Variants in GRIA4 observed in about 807,000 individuals in gnomAD.
The protein encoded by GRIA4 is glutamate ionotropic receptor AMPA type subunit 4, also known as glutamate receptor 4.
A neutral mutation model predicts 104.0 loss-of-function variants in GRIA4; 34 were observed. The ratio of observed to expected loss-of-function variants is 0.33; its 90% confidence interval spans 0.25 to 0.44. The LOEUF (loss-of-function observed/expected upper bound fraction) is 0.44. Ranked by LOEUF, GRIA4 falls within the 20% of genes least tolerant of loss-of-function variation. The pLI is 1.00. For synonymous variants in GRIA4, 386 were observed against 381.9 expected, an observed-to-expected ratio of 1.01 and a Z score of -0.13; for missense variants, 750 against 1,096.5, an observed-to-expected ratio of 0.68 and a Z score of 4.46.
chr11:105,938,079 A>G (rs1217189895), intron 14 of GRIA4, among the ~76,000 whole-genome samples: 1 of 152,134 alleles, frequency 6.6e-6, no homozygotes, highest in Non-Finnish European at 1.5e-5. Flanking sequence ...ACTTGGCCTT[A>G]GCCTAGATCT....
chr11:105,650,873 GAAT>G (rs1951667573), intron 3 of GRIA4, among the ~76,000 whole-genome samples: 1 of 152,082 alleles, frequency 6.6e-6, no homozygotes. Flanking sequence ...GACAACACGT[GAAT>G]AATAAGAAAA....
intron 9 of GRIA4, among the ~76,000 whole-genome samples, chr11:105,906,268 G>C (rs1043337400): frequency 6.6e-6 from 1 of 151,952 alleles, no homozygotes; most frequent in African/African-American, 2.4e-5. Context: ...GGCCCAATAA[G>C]TTATCTTATC....
chr11:105,830,477 GAGAA>G (rs1207303211), intron 4 of GRIA4, among the ~76,000 whole-genome samples: 1 of 152,010 alleles, frequency 6.6e-6, no homozygotes, highest in African/African-American at 2.4e-5. Context: ...GACTTGGGAG[GAGAA>G]AGACAGACTT....
chr11:105,800,842 T>C (rs1942690129), intron 4 of GRIA4, among the ~76,000 whole-genome samples: 1 of 151,972 alleles, frequency 6.6e-6, no homozygotes, highest in Admixed American at 6.6e-5. Context: ...ATTAACAAGG[T>C]TTTCTTCCAT....
intron 14 of GRIA4, among the ~76,000 whole-genome samples, chr11:105,948,570 CTTTCT>C (rs746339509): frequency 6.0e-4 from 75 of 124,704 alleles, no homozygotes; most frequent in South Asian, 1.2e-3. Context: ...TTCTTTCTTT[CTTTCT>C]TTTCTTTTCT....
At chr11:105,641,060 A>T (rs1202327291) in intron 3 of GRIA4, among the ~76,000 whole-genome samples, 1 of 152,110 alleles carries the variant, frequency 6.6e-6, no homozygotes, top group Non-Finnish European at 1.5e-5. Context: ...GCTATTAATG[A>T]GCACTTATAA....
intron 3 of GRIA4, among the ~76,000 whole-genome samples, chr11:105,678,545 G>A (rs1470458): frequency 0.98 from 149,915 of 152,202 alleles, 73,874 homozygotes; most frequent in Middle Eastern, 1. Context: ...GCAGCACTGA[G>A]TTTGTATTCT....
intron 3 of GRIA4, among the ~76,000 whole-genome samples, chr11:105,721,473 T>C (rs1278676642): frequency 6.6e-6 from 1 of 152,132 alleles, no homozygotes; most frequent in Non-Finnish European, 1.5e-5. Context: ...ATATGTTTTG[T>C]TGTTTACAAA....
intron 3 of GRIA4, among the ~76,000 whole-genome samples, chr11:105,696,247 C>T (rs72981071): frequency 0.04 from 6,057 of 152,282 alleles, 181 homozygotes; most frequent in Non-Finnish European, 0.066. Context: ...GACCTTGGCT[C>T]ACACAGTGGC....
chr11:105,883,217 A>G (rs1381940234), intron 5 of GRIA4, among the ~76,000 whole-genome samples: 2 of 151,980 alleles, frequency 1.3e-5, no homozygotes, highest in Non-Finnish European at 2.9e-5. Context: ...GATCCTTCCT[A>G]AGCTATTCTA....
chr11:105,679,770 C>T (rs1004494101), intron 3 of GRIA4, among the ~76,000 whole-genome samples: 11 of 152,066 alleles, frequency 7.2e-5, no homozygotes, highest in African/African-American at 9.7e-5. Context: ...AATTGTAGTT[C>T]GTATTTATAA....
intron 14 of GRIA4, among the ~76,000 whole-genome samples, chr11:105,967,288 G>C (rs1858433917): frequency 6.6e-6 from 1 of 152,018 alleles, no homozygotes; most frequent in South Asian, 2.1e-4. Context: ...GATGTTTTCT[G>C]GAGAAAAATA....
intron 3 of GRIA4, among the ~76,000 whole-genome samples, chr11:105,634,424 AG>A (rs1473288317): frequency 1.0e-3 from 153 of 147,324 alleles, no homozygotes; most frequent in African/African-American, 3.4e-3. Flanking sequence ...GGAAGGAGAA[AG>A]GAAGGGAGGA....
chr11:105,816,483 G>A (rs547175419), intron 4 of GRIA4, among the ~76,000 whole-genome samples: 1 of 152,064 alleles, frequency 6.6e-6, no homozygotes, highest in Non-Finnish European at 1.5e-5. Context: ...CATGTAATGT[G>A]CAAACTCCTG....
At chr11:105,951,712 C>A (rs1038462130) in intron 14 of GRIA4, among the ~76,000 whole-genome samples, 2 of 152,054 alleles carry the variant, frequency 1.3e-5, no homozygotes, top group African/African-American at 2.4e-5. Context: ...TGGTGGCTCA[C>A]ACTTGTAATC....
chr11:105,631,089 T>A (rs563551600), intron 3 of GRIA4, among the ~76,000 whole-genome samples: 1 of 152,300 alleles, frequency 6.6e-6, no homozygotes, highest in African/African-American at 2.4e-5. Flanking sequence ...ATCCTCTCAC[T>A]TTTACCCAAA....
rs189847103 is a variant in GRIA4 at position 105,628,125 on chromosome 11, C to A, written c.247+15691C>A. Among the ~76,000 whole-genome samples the A allele has an allele frequency of 2.0e-5, 3 of 151,830 alleles. No homozygotes were observed. In the East Asian group the frequency reaches 5.8e-4, roughly 29 times the overall value. On this transcript the variant is annotated intron_variant, in intron 3 of 16. Transcript: ENST00000282499. ...CACACACACACACACACAGAGCCTG[C>A]CAAAGGGAAAAATACAGTGAGATAG... is the stretch of plus-strand genomic sequence containing the variant.
intron 3 of GRIA4, among the ~76,000 whole-genome samples, chr11:105,713,313 T>C (rs1401791634): frequency 6.6e-6 from 1 of 151,526 alleles, no homozygotes; most frequent in Admixed American, 6.6e-5. Flanking sequence ...ACCTGAGAGG[T>C]GGAGGCTGCA....
chr11:105,619,037 T>A (rs1373012055), intron 3 of GRIA4, among the ~76,000 whole-genome samples: 1 of 150,184 alleles, frequency 6.7e-6, no homozygotes, highest in Admixed American at 6.7e-5. Context: ...AACATAGGTT[T>A]TTCCTTTTCT....
Sources: gnomAD v4.1 joint callset for allele counts (sites outside exome capture counted in the v4.1 genomes callset) on GRCh38, gnomAD v4.1.1 for gene constraint, MANE v1.5 for transcripts, NCBI Gene and HGNC (gene_info 2026-07-23, HGNC 2026-07-21) for gene names.